SLC22A3: variants seen among roughly 807,000 people sequenced by gnomAD.
The protein encoded by SLC22A3 is solute carrier family 22 member 3.
In SLC22A3, 51 loss-of-function variants were observed where a neutral mutation model predicts 59.1. That is an observed-to-expected ratio of 0.86 (90% confidence interval 0.69 to 1.09). The LOEUF (loss-of-function observed/expected upper bound fraction) is 1.09, where lower values mean the gene tolerates loss of function less well. SLC22A3 is among the 50% of genes least tolerant of loss of function. The probability of loss-of-function intolerance (pLI) is 0.00; values close to 1 mark genes in which losing one functional copy is unlikely to be tolerated. For missense variants in SLC22A3, 711 were observed against 726.3 expected (o/e 0.98, Z 0.24); for synonymous variants, 325 against 292.0 (o/e 1.11, Z -1.15).
At position 160,348,822 on chromosome 6, in the gene SLC22A3, C is replaced by A; in HGVS notation, c.403C>A (p.Gln135Lys). The A allele has an allele frequency of 6.3e-7, 1 of 1,583,200 alleles. No individual in the cohort carries two copies. Among genetic ancestry groups the A allele is most frequent in the East Asian group, 2.3e-5 (1 of 43,964 alleles). Residue 135 changes from glutamine (Q) to lysine (K), a missense_variant, in exon 1 of 11, where the codon CAG becomes AAG. Physicochemically the swap from Gln to Lys is moderately conservative, Grantham distance 53 (BLOSUM62 1). Transcript: ENST00000275300. ...VPCRGGWRYAQAHSTIVSEFD... is the reference protein window; with the variant it reads ...VPCRGGWRYAKAHSTIVSEFD... ...GTGCCGCGGCGGCTGGCGCTACGCC[C>A]AGGCCCACTCCACCATCGTCAGCGA...
chr6:160,358,666 A>G (rs1291537181), intron 1 of SLC22A3, among the ~76,000 whole-genome samples: 1 of 152,228 alleles, frequency 6.6e-6, no homozygotes, highest in Non-Finnish European at 1.5e-5. Flanking sequence ...CTGGGGACAA[A>G]TGAGAAACAT....
At chr6:160,412,919 A>T (rs1184720803) in intron 5 of SLC22A3, among the ~76,000 whole-genome samples, 3 of 152,152 alleles carry the variant, frequency 2.0e-5, no homozygotes, top group Admixed American at 6.5e-5. Context: ...GAAAAATAGG[A>T]TCATAGAAAA....
Position 160,415,263 on chromosome 6 carries a change from C to G in SLC22A3, c.975+4417C>G, listed in dbSNP as rs1338016943. On this transcript the variant is annotated intron_variant, in intron 5 of 10. Coordinates refer to ENST00000275300, the MANE Select transcript of SLC22A3 (RefSeq NM_021977.4). The surrounding 1 kb of genome is among the most constrained non-coding windows in gnomAD (Gnocchi z 4.1). ...CATCTCAAAGGTCCTTATGTCCCCA[C>G]AAGCACCATCCTGAGCAGAAAACCT... 1.3e-5 allele frequency among the ~76,000 whole-genome samples: 2 copies of G among 152,194 alleles called. No homozygotes were observed. Among genetic ancestry groups the G allele is most frequent in the Non-Finnish European group, 2.9e-5 (2 of 68,038 alleles).
intron 1 of SLC22A3, among the ~76,000 whole-genome samples, chr6:160,376,078 A>G (rs1170075620): frequency 1.3e-5 from 2 of 152,246 alleles, no homozygotes; most frequent in African/African-American, 2.4e-5. Flanking sequence ...GAATTTTACA[A>G]TAGCAAAGAC....
At position 160,412,949 on chromosome 6, in the gene SLC22A3, G is replaced by C. The variant is rs1787316943; in HGVS notation, c.975+2103G>C. 2.0e-5 allele frequency among the ~76,000 whole-genome samples: 3 copies of C among 150,752 alleles called. 1 individual carries two copies. The South Asian group carries it at 6.4e-4, about 32-fold the overall frequency. Reference sequence around the variant, plus strand: ...AGAAAATAAATAGGAATAAAGAAAGGAATATATAAAAATAGGAATATATAA... The same window carrying C: ...AGAAAATAAATAGGAATAAAGAAAGCAATATATAAAAATAGGAATATATAA... On this transcript the variant is annotated intron_variant, in intron 5 of 10. Transcript: ENST00000275300.
At chr6:160,450,455 A>G (rs1788908571) in intron 10 of SLC22A3, among the ~76,000 whole-genome samples, 1 of 152,116 alleles carries the variant, frequency 6.6e-6, no homozygotes, top group Admixed American at 6.5e-5. Context: ...TTCAAGGTGC[A>G]CTGATTTCAT....
At chr6:160,367,112 A>G (rs1562470714) in intron 1 of SLC22A3, among the ~76,000 whole-genome samples, 1 of 152,178 alleles carries the variant, frequency 6.6e-6, no homozygotes, top group African/African-American at 2.4e-5. Context: ...TAAAGATATA[A>G]CCAATACTGG....
intron 1 of SLC22A3, among the ~76,000 whole-genome samples, chr6:160,379,086 G>A (rs986337388): frequency 6.6e-5 from 10 of 152,194 alleles, no homozygotes; most frequent in Non-Finnish European, 1.3e-4. Flanking sequence ...AAAGAGATTG[G>A]AGTCTAGAAG....
rs568275326 is a variant in SLC22A3, at chr6:160,435,180, C to T, written c.976-1600C>T. ...TGCCATATGCCCAACTAAAATTCTA[C>T]GTATTCTCAAAAGAGGGAAGGGAAG... is the stretch of plus-strand genomic sequence containing the variant. On this transcript the variant is annotated intron_variant, in intron 5 of 10. Coordinates refer to ENST00000275300, the MANE Select transcript of SLC22A3 (RefSeq NM_021977.4). Among the ~76,000 whole-genome samples, 189 of 152,256 alleles carry T rather than the reference C, an allele frequency of 1.2e-3. 1 individual carries two copies. Among genetic ancestry groups the T allele is most frequent in the African/African-American group, 4.2e-3 (173 of 41,536 alleles).
At chr6:160,435,712 C>A (rs1179552547) in intron 5 of SLC22A3, among the ~76,000 whole-genome samples, 5 of 152,052 alleles carry the variant, frequency 3.3e-5, no homozygotes, top group African/African-American at 1.2e-4. Context: ...CAATCTGGGC[C>A]AAATCTGGAG....
intron 1 of SLC22A3, among the ~76,000 whole-genome samples, chr6:160,361,460 C>T (rs1275757949): frequency 6.6e-6 from 1 of 152,206 alleles, no homozygotes; most frequent in Non-Finnish European, 1.5e-5. Flanking sequence ...AGCCATGCTA[C>T]TCTAATCAAG....
chr6:160,426,389 C>T lies in SLC22A3; in HGVS notation c.976-10391C>T, dbSNP rs115212457. The T allele has an allele frequency of 2.3e-3, 2,238 of 978,212 alleles. 43 individuals carry two copies. The African/African-American group carries it at 0.035, about 15-fold the overall frequency. The allele number at this position is 978,212 out of a possible 1,614,324, so 60.6% of individuals were successfully genotyped here. A position where few individuals can be genotyped will look rare whatever the true frequency, so the allele number is the denominator to read the frequency against. ...GTTACTTAAGACTCTGTGCATGGCT[C>T]AGGCATCATTGGGCTGTGCAACACT... On this transcript the variant is annotated intron_variant, in intron 5 of 10. Coordinates refer to ENST00000275300, the MANE Select transcript of SLC22A3 (RefSeq NM_021977.4).
chr6:160,348,548 CA>C lies in SLC22A3; in HGVS notation c.130del (p.Thr44ArgfsTer118), dbSNP rs759056411. 4 of 1,555,284 alleles carry C rather than the reference CA, an allele frequency of 2.6e-6. No homozygotes were observed. Among genetic ancestry groups the C allele is most frequent in the Non-Finnish European group, 3.4e-6 (4 of 1,160,064 alleles). ...TCTTCGTCGGCGTGGTCTTCCTGGG[CA>C]CGCAGCCCGACCACTACTGGTGCCG... ...FLFVGVVFLG[T>X]QPDHYWCRGP... is the part of the protein sequence containing the mutation. On this transcript the variant is annotated frameshift_variant, in exon 1 of 11. Coordinates refer to ENST00000275300, the MANE Select transcript of SLC22A3 (RefSeq NM_021977.4). LOFTEE classifies it high-confidence loss of function.
intron 5 of SLC22A3, among the ~76,000 whole-genome samples, chr6:160,411,700 C>G (rs1280136148): frequency 6.6e-6 from 1 of 152,134 alleles, no homozygotes; most frequent in East Asian, 1.9e-4. Context: ...CATGATCACA[C>G]CACTGCCCTC....
At chr6:160,385,065 C>A (rs1255457463) in intron 1 of SLC22A3, among the ~76,000 whole-genome samples, 1 of 152,236 alleles carries the variant, frequency 6.6e-6, no homozygotes, top group Non-Finnish European at 1.5e-5. Flanking sequence ...ATTTTCATCT[C>A]CAATGATTCC....
In SLC22A3 at chr6:160,384,075, G is replaced by A. The variant is rs184177340; in HGVS notation, c.430-13904G>A. On this transcript the variant is annotated intron_variant, in intron 1 of 10. Coordinates refer to ENST00000275300, the MANE Select transcript of SLC22A3 (RefSeq NM_021977.4). ...CTCCTGAATAGCTGGGATTACAGGC[G>A]CACACCACCAGGACCAGCTAATTCT... Among the ~76,000 whole-genome samples the A allele has an allele frequency of 8.5e-5, 13 of 152,186 alleles. No homozygotes were observed. In the South Asian group the frequency reaches 1.0e-3, roughly 12 times the overall value.
chr6:160,439,391 C>A (rs1164571832), intron 7 of SLC22A3, among the ~76,000 whole-genome samples: 1 of 152,034 alleles, frequency 6.6e-6, no homozygotes, highest in Non-Finnish European at 1.5e-5. Context: ...GAGAAAGATG[C>A]ATGCTTCGGT....
Position 160,443,697 on chromosome 6 carries a change from T to C in SLC22A3, c.1465T>C (p.Phe489Leu). Residue 489 changes from phenylalanine to leucine, a missense_variant, in exon 9 of 11, where the codon TTT (phenylalanine) becomes CTT (leucine). Physicochemically the swap from Phe to Leu is conservative, Grantham distance 22. Transcript: ENST00000275300. ...FGGIIAPFLL[F>L]RLAAVWLELP... ...GGGAATCATAGCCCCATTTCTGCTC[T>C]TTCGGCTAGCAGCCGTGTGGCTAGA... The C allele has an allele frequency of 6.2e-7, 1 of 1,613,930 alleles. No individual in the cohort carries two copies. Among genetic ancestry groups the C allele is most frequent in the Non-Finnish European group, 8.5e-7 (1 of 1,179,872 alleles).
chr6:160,357,071 C>T (rs1784865226), intron 1 of SLC22A3, among the ~76,000 whole-genome samples: 1 of 152,148 alleles, frequency 6.6e-6, no homozygotes, highest in Non-Finnish European at 1.5e-5. Flanking sequence ...TTCTAGTGCC[C>T]TGTAGAGTCC....
Sources: allele counts gnomAD v4.1 joint callset (sites outside exome capture counted in the v4.1 genomes callset), GRCh38; gene constraint gnomAD v4.1.1; non-coding constraint Gnocchi (gnomAD v3.1); transcripts MANE v1.5; gene names NCBI Gene and HGNC (gene_info 2026-07-23, HGNC 2026-07-21).